GTF3C1: variants seen among roughly 807,000 people sequenced by gnomAD.
The protein encoded by GTF3C1 is general transcription factor IIIC subunit 1.
In GTF3C1, 57 loss-of-function variants were observed where a neutral mutation model predicts 226.7. The observed-to-expected ratio is 0.25, with a 90% CI of 0.20 to 0.31. GTF3C1 has a LOEUF of 0.31. GTF3C1 is among the 10% of genes least tolerant of loss of function. The pLI, the probability that GTF3C1 is intolerant of heterozygous loss-of-function variation, is 1.00. For missense variants in GTF3C1, 2,217 were observed against 2,776.1 expected (o/e 0.80, Z 4.53); for synonymous variants, 1,090 against 1,084.8 (o/e 1.00, Z -0.09).
chr16:27,533,461 G>A (rs957964345), intron 4 of GTF3C1, 74 bp from the exon 5 acceptor site: 2 of 788,606 alleles, frequency 2.5e-6, no homozygotes, highest in Non-Finnish European at 2.3e-6. Context: ...GTTTCTTAAA[G>A]ATGACAAAGC....
chr16:27,538,378 A>G, intron 2 of GTF3C1, 22 bp from the exon 3 acceptor site: 1 of 1,460,096 alleles, frequency 6.8e-7, no homozygotes, highest in South Asian at 1.3e-5. Flanking sequence ...AAACAATCGC[A>G]TGAAGAAATA....
At position 27,502,998 on chromosome 16, in the gene GTF3C1, A is replaced by G. The variant is rs1341989233; in HGVS notation, c.1771-3T>C. 3.1e-6 allele frequency: 5 copies of G among 1,612,146 alleles called. No individual in the cohort carries two copies. The highest frequency in any genetic ancestry group is 4.2e-6 in the Non-Finnish European group (5 of 1,178,246). ...GTCTTCAGGGAACTGCTACTCTCCT[A>G]GAACAGAGACCGAAAGCACAAGATG... is the stretch of plus-strand genomic sequence containing the variant. On this transcript the variant is annotated splice_polypyrimidine_tract_variant and splice_region_variant and intron_variant, in intron 10 of 36. Coordinates refer to ENST00000356183, the MANE Select transcript of GTF3C1 (RefSeq NM_001520.4).
intron 29 of GTF3C1, 130 bp from the exon 30 acceptor site, chr16:27,472,050 G>T (rs112212896): frequency 5.7e-5 from 41 of 720,628 alleles, no homozygotes; most frequent in African/African-American, 5.6e-4. Flanking sequence ...GCCCAGGCTG[G>T]CGTATGTGTG....
chr16:27,537,100 C>A (rs1025596032), intron 4 of GTF3C1, among the ~76,000 whole-genome samples: 9 of 152,212 alleles, frequency 5.9e-5, no homozygotes, highest in African/African-American at 2.2e-4. Context: ...CTTAGCAGAA[C>A]CTCGCCATCT....
Position 27,471,709 on chromosome 16 carries a change from T to A in GTF3C1, c.4526+39A>T. 6.5e-7 allele frequency: 1 copy of A among 1,528,942 alleles called. No individual in the cohort carries two copies. Among genetic ancestry groups the A allele is most frequent in the Non-Finnish European group, 9.1e-7 (1 of 1,103,854 alleles). 94.7% of individuals were successfully genotyped at this position (1,528,942 alleles called of 1,614,324 possible). On this transcript the variant is annotated intron_variant, in intron 30 of 36. Coordinates refer to ENST00000356183, the MANE Select transcript of GTF3C1 (RefSeq NM_001520.4). This position sits in a 1 kb window ranked among gnomAD's most constrained non-coding sequence, Gnocchi z 5.0. The stretch of plus-strand genomic sequence containing the variant: ...CTCCTCTTTACAGACAGGGCGTGGC[T>A]CCACCTCGGAGTACCCAAGGCTCCT...
At position 27,461,058 on chromosome 16, in the gene GTF3C1, G is replaced by A. The variant is rs2087695440; in HGVS notation, c.*292C>T. The A allele has an allele frequency of 2.8e-6, 1 of 356,244 alleles. No individual in the cohort carries two copies. Among genetic ancestry groups the A allele is most frequent in the Non-Finnish European group, 5.2e-6 (1 of 192,764 alleles). The allele number at this position is 356,244 out of a possible 1,614,324, so 22.1% of individuals were successfully genotyped here. On this transcript the variant is annotated 3_prime_UTR_variant, in exon 37 of 37. Transcript: ENST00000356183. This position sits in a 1 kb window ranked among gnomAD's most constrained non-coding sequence, Gnocchi z 5.3. ...CTGGAATGTGAGGTGTGCACAGGCG[G>A]GGCAAACTCTGGAGACCCAGAGACA...
chr16:27,511,907 A>C lies in GTF3C1; in HGVS notation c.974-6T>G. Reference sequence around the variant, plus strand: ...CCGAACCATGACGTCGGTCCCTGGCAACACAAGCACGGGTTTGCCAGCAAT... The same window carrying C: ...CCGAACCATGACGTCGGTCCCTGGCCACACAAGCACGGGTTTGCCAGCAAT... On this transcript the variant is annotated splice_region_variant and splice_polypyrimidine_tract_variant and intron_variant, in intron 6 of 36. Transcript: ENST00000356183. The C allele has an allele frequency of 6.2e-7, 1 of 1,613,846 alleles. No homozygotes were observed. Among genetic ancestry groups the C allele is most frequent in the Non-Finnish European group, 8.5e-7 (1 of 1,180,006 alleles).
At position 27,465,297 on chromosome 16, in the gene GTF3C1, C is replaced by T; in HGVS notation, c.5318G>A (p.Gly1773Asp). The T allele has an allele frequency of 1.9e-6, 3 of 1,614,210 alleles. No homozygotes were observed. The highest frequency in any genetic ancestry group is 2.5e-6 in the Non-Finnish European group (3 of 1,180,038). The change falls in exon 33 of 37, where the codon GGT becomes GAT. Residue 1773 changes from glycine (G) to aspartate (D), a missense_variant. Transcript: ENST00000356183. ...TGCGAATGTCCTGGTGCGCCCACCA[C>T]CTGCCTTCTCCAAGGCCGAGAACCG... ...RRRFSALEKA[G>D]GGRTRTFADC...
chr16:27,467,140 T>C (rs1392580002), intron 32 of GTF3C1, among the ~76,000 whole-genome samples: 2 of 152,242 alleles, frequency 1.3e-5, no homozygotes, highest in Non-Finnish European at 2.9e-5. Context: ...TCTAGGACTT[T>C]CATGGCTACA....
intron 24 of GTF3C1, among the ~76,000 whole-genome samples, chr16:27,484,648 C>T (rs2088107533): frequency 6.6e-6 from 1 of 152,240 alleles, no homozygotes. Flanking sequence ...CCTGAAAGGG[C>T]GCTGTATTAG....
chr16:27,514,731 C>T (rs987787869), intron 6 of GTF3C1, among the ~76,000 whole-genome samples: 1 of 152,194 alleles, frequency 6.6e-6, no homozygotes, highest in African/African-American at 2.4e-5. Context: ...TCATTCCAGT[C>T]CCACATGAGA....
chr16:27,526,953 C>T (rs1242043907), intron 6 of GTF3C1, among the ~76,000 whole-genome samples: 1 of 152,218 alleles, frequency 6.6e-6, no homozygotes, highest in East Asian at 1.9e-4. Context: ...CGCCTATAAT[C>T]CCAGCACTTT....
In GTF3C1 at chr16:27,465,409, G is replaced by A; in HGVS notation, c.5206C>T (p.Pro1736Ser). ...VLQLELSGYS[P>S]EDLTAALEIL... ...TCCAAGGCAGCAGTCAGGTCTTCGG[G>A]ACTATACCCAGACAGCTCCAGCTGG... is the stretch of plus-strand genomic sequence containing the variant. The change falls in exon 33 of 37, where the codon CCC (proline) becomes TCC (serine). Residue 1736 changes from proline (P) to serine (S), a missense_variant. Around this residue, in one of 12 missense-constraint regions of GTF3C1, gnomAD observed 455 missense variants for 441.9 expected, o/e 1.03. Transcript: ENST00000356183. The A allele has an allele frequency of 1.2e-6, 2 of 1,614,074 alleles. No homozygotes were observed. Among genetic ancestry groups the A allele is most frequent in the Non-Finnish European group, 1.7e-6 (2 of 1,180,010 alleles).
chr16:27,494,749 C>T lies in GTF3C1; in HGVS notation c.2778+14G>A. 1.9e-6 allele frequency: 3 copies of T among 1,603,378 alleles called. No homozygotes were observed. Among genetic ancestry groups the T allele is most frequent in the Non-Finnish European group, 2.6e-6 (3 of 1,170,160 alleles). ...AGGGGCAATTCCTGTGATAATGGCTCCTGTCACCAATACCTTGTAGCTGAC... is the reference window on the plus strand; with the variant it reads ...AGGGGCAATTCCTGTGATAATGGCTTCTGTCACCAATACCTTGTAGCTGAC... On this transcript the variant is annotated intron_variant, in intron 16 of 36. Transcript: ENST00000356183.
At chr16:27,522,905 T>C (rs2088771564) in intron 6 of GTF3C1, among the ~76,000 whole-genome samples, 1 of 152,242 alleles carries the variant, frequency 6.6e-6, no homozygotes, top group Non-Finnish European at 1.5e-5. Flanking sequence ...AGAAACACAA[T>C]GGACTTCTGT....
intron 23 of GTF3C1, among the ~76,000 whole-genome samples, 186 bp from the exon 24 acceptor site, chr16:27,486,340 A>AT (rs913299306): frequency 2.6e-5 from 4 of 151,592 alleles, no homozygotes; most frequent in Non-Finnish European, 5.9e-5. Context: ...GATAGATTTT[A>AT]TTTTTTTTTA....
chr16:27,528,562 C>A, intron 6 of GTF3C1, 36 bp downstream of exon 6: 1 of 1,566,924 alleles, frequency 6.4e-7, no homozygotes, highest in Non-Finnish European at 8.8e-7. Context: ...TGAGAGCCAG[C>A]CAGCCAAGGG....
intron 12 of GTF3C1, among the ~76,000 whole-genome samples, chr16:27,499,795 A>G (rs1185588819): frequency 1.3e-5 from 2 of 152,234 alleles, no homozygotes; most frequent in Non-Finnish European, 2.9e-5. Flanking sequence ...GAGCAAAGGC[A>G]AAAGACTGAC....
rs1413751445 is a variant in GTF3C1 at position 27,464,453 on chromosome 16, G to A, written c.5739C>T (p.Pro1913=). The change falls in exon 34 of 37, where the codon CCC becomes CCT. Residue 1913 remains proline (P), a synonymous_variant. Coordinates refer to ENST00000356183, the MANE Select transcript of GTF3C1 (RefSeq NM_001520.4). ...DGAEAQAPSP[P]PALEDTAAAG... ...CTGCAGCGGTGTCTTCAAGAGCTGG[G>A]GGTGGAGATGGGGCCTGGGCTTCTG... 7 of 1,597,622 alleles carry A rather than the reference G, an allele frequency of 4.4e-6. No individual in the cohort carries two copies. The highest frequency in any genetic ancestry group is 6.0e-6 in the Non-Finnish European group (7 of 1,172,636).
Sources: allele counts gnomAD v4.1 joint callset (sites outside exome capture counted in the v4.1 genomes callset), GRCh38; gene constraint gnomAD v4.1.1; regional missense constraint gnomAD v4.1.1; non-coding constraint Gnocchi (gnomAD v3.1); transcripts MANE v1.5; gene names NCBI Gene and HGNC (gene_info 2026-07-23, HGNC 2026-07-21).